Variants in EDA observed in about 807,000 individuals in gnomAD.
The protein encoded by EDA is ectodysplasin-A.
EDA carries 2 observed loss-of-function variants against 23.6 expected under a neutral mutation model. The observed-to-expected ratio is 0.08, with a 90% CI of 0.03 to 0.27. The LOEUF is 0.27. Among genes scored for constraint, EDA ranks in the 10% least tolerant of loss-of-function variants. The pLI, the probability that EDA is intolerant of heterozygous loss-of-function variation, is 1.00. For synonymous variants in EDA, 131 were observed against 132.0 expected, an observed-to-expected ratio of 0.99 and a Z score of 0.05; for missense variants, 229 against 324.2, an observed-to-expected ratio of 0.71 and a Z score of 2.26.
At chrX:69,906,152 C>G (rs975538221) in intron 1 of EDA, among the ~76,000 whole-genome samples, 4 of 112,460 alleles carry the variant, frequency 3.6e-5, no homozygotes, top group African/African-American at 1.3e-4. Context: ...GTGCCCTCTT[C>G]TCACACCAGA....
At chrX:69,719,780 C>T (rs1005873287) in intron 1 of EDA, among the ~76,000 whole-genome samples, 1 of 108,066 alleles carries the variant, frequency 9.3e-6, no homozygotes, top group African/African-American at 3.4e-5. Context: ...AATGGAGTTT[C>T]ACTCTGTTGC....
chrX:69,914,743 T>G (rs1395480860), intron 1 of EDA, among the ~76,000 whole-genome samples: 1 of 111,893 alleles, frequency 8.9e-6, no homozygotes, highest in Non-Finnish European at 1.9e-5. Context: ...TTTATATCCT[T>G]TAGATATCAG....
chrX:69,869,858 T>C (rs968791061), intron 1 of EDA, among the ~76,000 whole-genome samples: 2 of 112,209 alleles, frequency 1.8e-5, no homozygotes, highest in African/African-American at 6.5e-5. Context: ...AATTTTGTAG[T>C]TGAGTGACTA....
chrX:69,944,087 C>T (rs2018801423), intron 1 of EDA, among the ~76,000 whole-genome samples: 1 of 110,781 alleles, frequency 9.0e-6, no homozygotes, highest in Non-Finnish European at 1.9e-5. Context: ...TCCCCTCTGG[C>T]CCAGGACAGG....
chrX:69,625,769 A>C (rs866842482), intron 1 of EDA, among the ~76,000 whole-genome samples: 1 of 110,737 alleles, frequency 9.0e-6, no homozygotes, highest in Non-Finnish European at 1.9e-5. Flanking sequence ...TGCAGAGCAA[A>C]GATTTATTAG....
In EDA at chrX:70,035,664, C is replaced by T; in HGVS notation, c.*55C>T. On this transcript the variant is annotated 3_prime_UTR_variant, in exon 8 of 8. Transcript: ENST00000374552. ...CCTTCCCTGGGTTTGGGAGCCAGGA[C>T]TCCCAGAACCTCTAAGTGCTGCTGT... 1.7e-6 allele frequency: 2 copies of T among 1,171,314 alleles called. No individual in the cohort carries two copies. The highest frequency in any genetic ancestry group is 2.3e-6 in the Non-Finnish European group (2 of 863,987).
chrX:69,638,916 A>C (rs781289329), intron 1 of EDA, among the ~76,000 whole-genome samples: 1 of 110,645 alleles, frequency 9.0e-6, no homozygotes, highest in Non-Finnish European at 1.9e-5. Flanking sequence ...CTTTCTACCC[A>C]TTAACCAACT....
chrX:69,705,653 T>A (rs1463812101), intron 1 of EDA, among the ~76,000 whole-genome samples: 2 of 111,639 alleles, frequency 1.8e-5, no homozygotes, highest in Non-Finnish European at 3.8e-5. Context: ...GTAAATAGAG[T>A]GGACTGGTTT....
intron 1 of EDA, among the ~76,000 whole-genome samples, chrX:69,864,514 A>G (rs1012287400): frequency 9.0e-6 from 1 of 111,694 alleles, no homozygotes; most frequent in Non-Finnish European, 1.9e-5. Flanking sequence ...ATGAGAAGGA[A>G]CCAGAAAAAC....
intron 1 of EDA, among the ~76,000 whole-genome samples, chrX:69,622,737 T>A: frequency 8.9e-6 from 1 of 112,193 alleles, no homozygotes; most frequent in Middle Eastern, 4.6e-3. Flanking sequence ...TTATGGATAG[T>A]GTTTTCTGTG....
At chrX:69,979,963 G>A (rs141744165) in intron 2 of EDA, among the ~76,000 whole-genome samples, 1,101 of 109,079 alleles carry the variant, frequency 0.01, 7 homozygotes, top group African/African-American at 0.034. Flanking sequence ...CTATTTTTTA[G>A]TGTTTCTATT....
intron 1 of EDA, among the ~76,000 whole-genome samples, chrX:69,752,435 T>C (rs2013919525): frequency 8.9e-6 from 1 of 111,801 alleles, no homozygotes; most frequent in South Asian, 3.7e-4. Flanking sequence ...GCCAGCCTGA[T>C]CCTGGTGGAT....
intron 1 of EDA, among the ~76,000 whole-genome samples, chrX:69,762,123 C>T (rs998223172): frequency 9.0e-6 from 1 of 111,221 alleles, no homozygotes. Context: ...TAACCTTGGC[C>T]AATACTTTTT....
At chrX:69,807,916 T>C (rs1267459171) in intron 1 of EDA, among the ~76,000 whole-genome samples, 2 of 111,866 alleles carry the variant, frequency 1.8e-5, no homozygotes, top group Non-Finnish European at 3.8e-5. Flanking sequence ...CTTGAATAAA[T>C]TACTTAGTAT....
At chrX:70,023,014 T>A in intron 2 of EDA, 1 of 312,874 alleles carries the variant, frequency 3.2e-6, no homozygotes, top group Middle Eastern at 4.5e-4. Flanking sequence ...GGAAGAATCT[T>A]CCTTGAAACT....
At chrX:69,977,019 A>G (rs771124400) in intron 2 of EDA, among the ~76,000 whole-genome samples, 5 of 112,041 alleles carry the variant, frequency 4.5e-5, no homozygotes, top group South Asian at 3.7e-4. Flanking sequence ...TTCCTTTTCT[A>G]TTCAATGAAA....
intron 1 of EDA, among the ~76,000 whole-genome samples, chrX:69,699,884 TA>T (rs1233274245): frequency 4.6e-4 from 51 of 110,250 alleles, no homozygotes; most frequent in African/African-American, 1.6e-3. Context: ...AGCAGCTTGA[TA>T]TAAGTTTGGC....
At chrX:69,928,472 G>C (rs764823153) in intron 1 of EDA, among the ~76,000 whole-genome samples, 1 of 111,541 alleles carries the variant, frequency 9.0e-6, no homozygotes, top group Non-Finnish European at 1.9e-5. Flanking sequence ...TATGTTACTG[G>C]GGGTGGGTAG....
chrX:69,973,388 A>G (rs1164737600), intron 2 of EDA, among the ~76,000 whole-genome samples: 3 of 111,696 alleles, frequency 2.7e-5, no homozygotes, highest in Non-Finnish European at 3.8e-5. Flanking sequence ...GGGCCTGGCT[A>G]TACCTACTGC....
Sources: allele counts gnomAD v4.1 joint callset (sites outside exome capture counted in the v4.1 genomes callset), GRCh38; gene constraint gnomAD v4.1.1; transcripts MANE v1.5; gene names NCBI Gene and HGNC (gene_info 2026-07-23, HGNC 2026-07-21).